Variants in RHCE observed in about 807,000 individuals in gnomAD.
The protein encoded by RHCE is blood group Rh(CE) polypeptide.
A neutral mutation model predicts 43.8 loss-of-function variants in RHCE; 22 were observed. The ratio of observed to expected loss-of-function variants is 0.50; its 90% confidence interval spans 0.36 to 0.72. The LOEUF (loss-of-function observed/expected upper bound fraction) is 0.72. Ranked by LOEUF, RHCE falls within the 30% of genes least tolerant of loss-of-function variation. The probability of loss-of-function intolerance (pLI) is 0.00; values close to 1 mark genes in which losing one functional copy is unlikely to be tolerated. For synonymous variants in RHCE, 156 were observed against 210.7 expected (o/e 0.74, Z 2.25); for missense variants, 385 against 525.4 (o/e 0.73, Z 2.61).
At chr1:25,400,143 C>A (rs1007637273) in intron 3 of RHCE, among the ~76,000 whole-genome samples, 1 of 152,156 alleles carries the variant, frequency 6.6e-6, no homozygotes, top group African/African-American at 2.4e-5. Flanking sequence ...TCCTCTCTAT[C>A]GGATTATTGC....
Position 25,392,562 on chromosome 1 carries a change from C to CTTT in RHCE, c.487-424_487-422dup, listed in dbSNP as rs1211993147. On this transcript the variant is annotated intron_variant, in intron 3 of 9. Coordinates refer to ENST00000294413, the MANE Select transcript of RHCE (RefSeq NM_020485.8). ...AGGCATGAGCCACTGTGCCCGGCCTCTTTTTTTTTTTTTTTTTTTTTTTTT... is the reference window on the plus strand; with the variant it reads ...AGGCATGAGCCACTGTGCCCGGCCTCTTTTTTTTTTTTTTTTTTTTTTTTTTTT... 3.2e-4 allele frequency among the ~76,000 whole-genome samples: 21 copies of CTTT among 66,418 alleles called. 1 individual carries two copies. The highest frequency in any genetic ancestry group is 9.2e-4 in the South Asian group (1 of 1,084). The allele number at this position is 66,418 out of a possible 152,430, so 43.6% of individuals were successfully genotyped here. A position where few individuals can be genotyped will look rare whatever the true frequency, so the allele number is the denominator to read the frequency against.
intron 3 of RHCE, among the ~76,000 whole-genome samples, chr1:25,393,195 G>A (rs1646433976): frequency 6.6e-6 from 1 of 152,094 alleles, no homozygotes; most frequent in Admixed American, 6.6e-5. Context: ...ATTTCCCACT[G>A]ACCCCATCTT....
chr1:25,387,804 A>T (rs1646225694), intron 6 of RHCE, among the ~76,000 whole-genome samples: 1 of 151,962 alleles, frequency 6.6e-6, no homozygotes, highest in African/African-American at 2.4e-5. Flanking sequence ...GCTAAATAAT[A>T]TTCCACTCTG....
At position 25,402,588 on chromosome 1, in the gene RHCE, T is replaced by C; in HGVS notation, c.486+8A>G. 2.5e-6 allele frequency: 4 copies of C among 1,613,960 alleles called. No individual in the cohort carries two copies. Among genetic ancestry groups the C allele is most frequent in the Non-Finnish European group, 3.4e-6 (4 of 1,180,000 alleles). On this transcript the variant is annotated splice_region_variant and intron_variant, in intron 3 of 9. Transcript: ENST00000294413. ...TCCCAGGTCCCTCCTCCCAGCACCA[T>C]GACTCACGTTGAAGATATTACTGAT...
At position 25,409,170 on chromosome 1, in the gene RHCE, CTAA is replaced by C. The variant is rs1019040630; in HGVS notation, c.149-304_149-302del. ...TGTGGCAATTATTCTATTATTAAAC[CTAA>C]TAATAAGAACAAGTGTAAAGTACAC... On this transcript the variant is annotated intron_variant, in intron 1 of 9. Transcript: ENST00000294413. 1.4e-4 allele frequency among the ~76,000 whole-genome samples: 17 copies of C among 123,306 alleles called. 3 individuals carry two copies. Among genetic ancestry groups the C allele is most frequent in the African/African-American group, 3.5e-4 (14 of 39,596 alleles). 80.9% of individuals were successfully genotyped at this position (123,306 alleles called of 152,430 possible).
At chr1:25,378,066 A>C (rs1326276140) in intron 7 of RHCE, among the ~76,000 whole-genome samples, 1 of 152,226 alleles carries the variant, frequency 6.6e-6, no homozygotes, top group Non-Finnish European at 1.5e-5. Context: ...ACTGTCCAAA[A>C]AGCATATTAA....
upstream of RHCE, among the ~76,000 whole-genome samples, chr1:25,424,747 G>T (rs1380846818): frequency 6.6e-6 from 1 of 152,118 alleles, no homozygotes; most frequent in Non-Finnish European, 1.5e-5. Context: ...CTTGACAAGG[G>T]TTCCTTGTGT....
Position 25,362,262 on chromosome 1 carries a change from A to T in RHCE, c.*265T>A, listed in dbSNP as rs945939673. 2.8e-6 allele frequency: 2 copies of T among 718,014 alleles called. No individual in the cohort carries two copies. The highest frequency in any genetic ancestry group is 6.0e-5 in the Admixed American group (2 of 33,482). The allele number at this position is 718,014 out of a possible 1,614,324, so 44.5% of individuals were successfully genotyped here. A position where few individuals can be genotyped will look rare whatever the true frequency, so the allele number is the denominator to read the frequency against. On this transcript the variant is annotated 3_prime_UTR_variant, in exon 10 of 10. Coordinates refer to ENST00000294413, the MANE Select transcript of RHCE (RefSeq NM_020485.8). ...AAGAATTGTCAATAAAATTAACCCA[A>T]AACTTTAATAATGTGTCTGTAACCA...
At chr1:25,379,478 TATATATATATATATATA>T (rs1384411235) in intron 7 of RHCE, among the ~76,000 whole-genome samples, 51 of 9,234 alleles carry the variant, frequency 5.5e-3, no homozygotes, top group African/African-American at 0.019. Flanking sequence ...TATATATATA[TATATATATATATATATA>T]TTTTTTTTTT....
chr1:25,379,701 G>A (rs1235832490), intron 7 of RHCE, among the ~76,000 whole-genome samples: 2 of 147,284 alleles, frequency 1.4e-5, no homozygotes, highest in African/African-American at 2.5e-5. Context: ...TAGAGACAGA[G>A]TCTCACTCTG....
At chr1:25,377,296 G>A (rs985721401) in intron 7 of RHCE, among the ~76,000 whole-genome samples, 2 of 151,666 alleles carry the variant, frequency 1.3e-5, no homozygotes, top group Non-Finnish European at 2.9e-5. Flanking sequence ...CCAGGCTGGA[G>A]TGCAGTGGCG....
intron 1 of RHCE, among the ~76,000 whole-genome samples, chr1:25,411,126 T>C (rs979813991): frequency 1.5e-4 from 22 of 151,332 alleles, no homozygotes; most frequent in African/African-American, 4.9e-4. Flanking sequence ...TAAAATAAAA[T>C]ATCAATTTAC....
intron 2 of RHCE, among the ~76,000 whole-genome samples, chr1:25,405,029 A>G (rs1470346303): frequency 6.7e-6 from 1 of 148,520 alleles, no homozygotes; most frequent in African/African-American, 2.6e-5. Context: ...CATCTCTACA[A>G]AAAGCAAAAA....
chr1:25,413,237 C>T (rs544731580), intron 1 of RHCE, among the ~76,000 whole-genome samples: 1 of 152,188 alleles, frequency 6.6e-6, no homozygotes, highest in Non-Finnish European at 1.5e-5. Context: ...AGAGCTCATG[C>T]ACCCCAAACT....
chr1:25,427,111 G>A (rs1167046331), intron 2 of RHCE, among the ~76,000 whole-genome samples: 1 of 152,122 alleles, frequency 6.6e-6, no homozygotes, highest in African/African-American at 2.4e-5. Flanking sequence ...GTTAAGAGGT[G>A]GCCATCGAAA....
rs984539370 is a variant in RHCE at position 25,371,993 on chromosome 1, A to C, written c.1154-1453T>G. Reference sequence around the variant, plus strand: ...AGTAATGATCTCTGGCGCCTGCATGAATTTTCCAGATAGCTGAGGCTTACT... The same window carrying C: ...AGTAATGATCTCTGGCGCCTGCATGCATTTTCCAGATAGCTGAGGCTTACT... On this transcript the variant is annotated intron_variant, in intron 8 of 9. Transcript: ENST00000294413. Among the ~76,000 whole-genome samples, 17 of 151,438 alleles carry C rather than the reference A, an allele frequency of 1.1e-4. 1 individual carries two copies. Among genetic ancestry groups the C allele is most frequent in the African/African-American group, 4.2e-4 (17 of 40,854 alleles).
At chr1:25,410,133 G>A (rs1312265181) in intron 1 of RHCE, among the ~76,000 whole-genome samples, 2 of 152,026 alleles carry the variant, frequency 1.3e-5, no homozygotes, top group Non-Finnish European at 2.9e-5. Flanking sequence ...CTGACCTCAA[G>A]TGATCTGCCC....
chr1:25,397,655 T>C (rs631133), intron 3 of RHCE, among the ~76,000 whole-genome samples: 92,452 of 151,692 alleles, frequency 0.61, 29,994 homozygotes, highest in African/African-American at 0.84. Flanking sequence ...ATGATGTCAG[T>C]TCCTGCCCTT....
In RHCE at chr1:25,402,763, G is replaced by C. The variant is rs200675066; in HGVS notation, c.336-17C>G. 37 of 1,613,998 alleles carry C rather than the reference G, an allele frequency of 2.3e-5. No individual in the cohort carries two copies. The highest frequency in any genetic ancestry group is 2.9e-5 in the Non-Finnish European group (34 of 1,180,004). On this transcript the variant is annotated splice_polypyrimidine_tract_variant and intron_variant, in intron 2 of 9. Coordinates refer to ENST00000294413, the MANE Select transcript of RHCE (RefSeq NM_020485.8). The stretch of plus-strand genomic sequence containing the variant: ...AGCCGAATACTGGGGGTGAGAAGGA[G>C]AGCCAGGATGACTGAGAAGGAAGGA...
Sources: gnomAD v4.1 joint callset for allele counts (sites outside exome capture counted in the v4.1 genomes callset) on GRCh38, gnomAD v4.1.1 for gene constraint, MANE v1.5 for transcripts, NCBI Gene and HGNC (gene_info 2026-07-23, HGNC 2026-07-21) for gene names.